Variants in FAM234A observed in about 807,000 individuals in gnomAD.
The protein encoded by FAM234A is protein FAM234A.
Under a neutral mutation model 49.1 loss-of-function variants are expected in FAM234A, and 42 were observed. The ratio of observed to expected loss-of-function variants is 0.86; its 90% CI spans 0.67 to 1.11. The LOEUF is 1.11. FAM234A is among the 50% of genes least tolerant of loss of function. The probability of loss-of-function intolerance (pLI) is 0.00; values close to 1 mark genes in which losing one functional copy is unlikely to be tolerated. For synonymous variants in FAM234A, 369 were observed against 316.2 expected (o/e 1.17, Z -1.77); for missense variants, 815 against 745.2 (o/e 1.09, Z -1.09).
chr16:245,402 T>C (rs2050769915), intron 1 of FAM234A, among the ~76,000 whole-genome samples: 1 of 152,154 alleles, frequency 6.6e-6, no homozygotes, highest in Non-Finnish European at 1.5e-5. Flanking sequence ...CTGCTGTGTC[T>C]ATGAGTGAGA....
rs184187806 is a variant in FAM234A at position 265,594 on chromosome 16, C to T, written c.*572C>T. The T allele has an allele frequency of 2.0e-6, 2 of 985,788 alleles. No individual in the cohort carries two copies. Among genetic ancestry groups the T allele is most frequent in the East Asian group, 2.3e-4 (2 of 8,812 alleles). The allele number at this position is 985,788 out of a possible 1,614,324, so 61.1% of individuals were successfully genotyped here. A position where few individuals can be genotyped will look rare whatever the true frequency, so the allele number is the denominator to read the frequency against. ...GCCCTTCCCGGAGCTACAGGGGGATCCTCTAGCATGGGGGGTGTGACTTGG... is the reference window on the plus strand; with the variant it reads ...GCCCTTCCCGGAGCTACAGGGGGATTCTCTAGCATGGGGGGTGTGACTTGG... On this transcript the variant is annotated 3_prime_UTR_variant, in exon 13 of 13. Coordinates refer to ENST00000399932, the MANE Select transcript of FAM234A (RefSeq NM_032039.4).
At chr16:239,938 G>A (rs563754150) in intron 1 of FAM234A, among the ~76,000 whole-genome samples, 1 of 152,136 alleles carries the variant, frequency 6.6e-6, no homozygotes, top group African/African-American at 2.4e-5. Flanking sequence ...AAATGGTTAT[G>A]GGCCTGTTCT....
chr16:247,346 G>C (rs1596774627), intron 1 of FAM234A, among the ~76,000 whole-genome samples: 1 of 151,602 alleles, frequency 6.6e-6, no homozygotes, highest in East Asian at 1.9e-4. Flanking sequence ...TGCCCAGGCT[G>C]GTCTTGAACT....
Position 262,753 on chromosome 16 carries a change from G to T in FAM234A, c.971+200G>T, listed in dbSNP as rs916139601. ...TTGAGTAAAGAGAAGAAAGGTTCCC[G>T]ACGCTGTGCCTGTCTGTCTCCACGG... On this transcript the variant is annotated intron_variant, in intron 8 of 12. Transcript: ENST00000399932. 6.6e-5 allele frequency among the ~76,000 whole-genome samples: 10 copies of T among 151,912 alleles called. No individual in the cohort carries two copies. In the East Asian group the frequency reaches 1.7e-3, roughly 26 times the overall value.
At chr16:240,284 A>G (rs2050564412) in intron 1 of FAM234A, 1 of 152,202 alleles carries the variant, frequency 6.6e-6, no homozygotes, top group African/African-American at 2.4e-5. Flanking sequence ...ATTGTGAGTT[A>G]TCTTACTTGT....
At position 264,122 on chromosome 16, in the gene FAM234A, C is replaced by T; in HGVS notation, c.1295C>T (p.Ser432Leu). 6.2e-7 allele frequency: 1 copy of T among 1,610,496 alleles called. No homozygotes were observed. Among genetic ancestry groups the T allele is most frequent in the South Asian group, 1.1e-5 (1 of 90,950 alleles). ...AGCCTGCCGACCGCAGACCACCGCTCAGCCTTCTTCTTCTGGGGCCTCCAC... is the reference window on the plus strand; with the variant it reads ...AGCCTGCCGACCGCAGACCACCGCTTAGCCTTCTTCTTCTGGGGCCTCCAC... ...SASLPTADHR[S>L]AFFFWGLHEL... The change falls in exon 11 of 13, where the codon TCA (serine) becomes TTA (leucine). Residue 432 changes from serine (S) to leucine (L), a missense_variant. Coordinates refer to ENST00000399932, the MANE Select transcript of FAM234A (RefSeq NM_032039.4).
chr16:254,784 A>C, intron 3 of FAM234A, 103 bp downstream of exon 3: 1 of 1,220,114 alleles, frequency 8.2e-7, no homozygotes, highest in South Asian at 1.4e-5. Context: ...GTGGCCTTTA[A>C]ACAGTGAATC....
At chr16:264,485 G>A in intron 11 of FAM234A, 129 bp from the exon 12 acceptor site, 1 of 754,890 alleles carries the variant, frequency 1.3e-6, no homozygotes, top group Non-Finnish European at 2.2e-6. Flanking sequence ...AGAACTGGGG[G>A]CTGGCATTTG....
rs570333155 is a variant in FAM234A, at chr16:244,257, C to T, written c.-139-5292C>T. ...TGCTGGGATTACAGGCGTGAGCCAC[C>T]GCGCCCGGTCGGAAAATGATTTTAA... On this transcript the variant is annotated intron_variant, in intron 1 of 12. Coordinates refer to ENST00000399932, the MANE Select transcript of FAM234A (RefSeq NM_032039.4). Among the ~76,000 whole-genome samples the T allele has an allele frequency of 2.3e-4, 35 of 152,338 alleles. No individual in the cohort carries two copies. In the South Asian group the frequency reaches 3.9e-3, roughly 17 times the overall value.
Position 266,009 on chromosome 16 carries a change from CAG to C in FAM234A, c.*990_*991del. Reference sequence around the variant, plus strand: ...TGTACTGCTCGGGCCGCCCAGGTCACAGAGCCTGAGCTTCGTAGCCAAAGCAG... The same window carrying C: ...TGTACTGCTCGGGCCGCCCAGGTCACAGCCTGAGCTTCGTAGCCAAAGCAG... On this transcript the variant is annotated 3_prime_UTR_variant, in exon 13 of 13. Transcript: ENST00000399932. The C allele has an allele frequency of 3.0e-6, 3 of 985,964 alleles. No individual in the cohort carries two copies. Among genetic ancestry groups the C allele is most frequent in the Non-Finnish European group, 3.6e-6 (3 of 830,016 alleles). The allele number at this position is 985,964 out of a possible 1,614,324, so 61.1% of individuals were successfully genotyped here.
At chr16:257,497 C>T (rs1411142466) in intron 3 of FAM234A, among the ~76,000 whole-genome samples, 3 of 152,078 alleles carry the variant, frequency 2.0e-5, no homozygotes, top group Admixed American at 6.5e-5. Flanking sequence ...CCACCCGCCT[C>T]GGCCTCCCAT....
At chr16:267,745 ACACATGCCTCAT>A (rs2051735104), downstream of FAM234A, among the ~76,000 whole-genome samples, 1 of 147,300 alleles carries the variant, frequency 6.8e-6, no homozygotes, top group Admixed American at 6.8e-5. Context: ...CCTCAGTGCT[ACACATGCCTCAT>A]ACACACAACA....
intron 1 of FAM234A, among the ~76,000 whole-genome samples, chr16:245,434 A>G (rs1178667594): frequency 6.6e-6 from 1 of 152,110 alleles, no homozygotes. Context: ...TCCCCTGGGC[A>G]CCGGCCACTG....
chr16:265,998 C>T lies in FAM234A; in HGVS notation c.*976C>T, dbSNP rs1039773040. 7.1e-6 allele frequency: 7 copies of T among 985,786 alleles called. No individual in the cohort carries two copies. Among genetic ancestry groups the T allele is most frequent in the African/African-American group, 3.5e-5 (2 of 57,230 alleles). The allele number at this position is 985,786 out of a possible 1,614,324, so 61.1% of individuals were successfully genotyped here. A position where few individuals can be genotyped will look rare whatever the true frequency, so the allele number is the denominator to read the frequency against. The stretch of plus-strand genomic sequence containing the variant: ...CCATGGTGCTCTGTACTGCTCGGGC[C>T]GCCCAGGTCACAGAGCCTGAGCTTC... On this transcript the variant is annotated 3_prime_UTR_variant, in exon 13 of 13. Transcript: ENST00000399932.
rs2051385305 is a variant in FAM234A, at chr16:259,831, C to G, written c.386-138C>G. The G allele has an allele frequency of 1.3e-5, 11 of 818,644 alleles. No homozygotes were observed. The East Asian group carries it at 2.7e-4, about 20-fold the overall frequency. 50.7% of individuals were successfully genotyped at this position (818,644 alleles called of 1,614,324 possible). On this transcript the variant is annotated intron_variant, in intron 4 of 12. Coordinates refer to ENST00000399932, the MANE Select transcript of FAM234A (RefSeq NM_032039.4). ...TAGAGCCCCGGGAGCCTGCAAGATA[C>G]AGGAGATCCACCTGGCGGGAGGGGC...
At chr16:238,783 A>G (rs1010863802) in intron 1 of FAM234A, among the ~76,000 whole-genome samples, 14 of 141,436 alleles carry the variant, frequency 9.9e-5, no homozygotes, top group Admixed American at 5.0e-4. Context: ...AAAAAAAAAA[A>G]AAAGAAAAAA....
chr16:263,274 G>A lies in FAM234A; in HGVS notation c.984G>A (p.Val328=). ...RRMLSHSSGA[V]RYLMHVPGNA... ...CTCTCCTGTCTAGCTCTGGAGCAGT[G>A]CGCTACCTGATGCATGTCCCAGGGA... The change falls in exon 9 of 13, where the codon GTG becomes GTA. Residue 328 remains valine (V), a synonymous_variant. Coordinates refer to ENST00000399932, the MANE Select transcript of FAM234A (RefSeq NM_032039.4). 1 of 1,612,794 alleles carries A rather than the reference G, an allele frequency of 6.2e-7. No individual in the cohort carries two copies. The highest frequency in any genetic ancestry group is 8.5e-7 in the Non-Finnish European group (1 of 1,179,998).
chr16:238,877 G>A (rs911480568), intron 1 of FAM234A, among the ~76,000 whole-genome samples: 1 of 147,348 alleles, frequency 6.8e-6, no homozygotes, highest in African/African-American at 2.5e-5. Flanking sequence ...GAGGTCAGGA[G>A]ATCGAGACTA....
At position 263,245 on chromosome 16, in the gene FAM234A, C is replaced by T. The variant is rs552838736; in HGVS notation, c.972-17C>T. 6 of 1,609,006 alleles carry T rather than the reference C, an allele frequency of 3.7e-6. No homozygotes were observed. The highest frequency in any genetic ancestry group is 1.6e-4 in the Middle Eastern group (1 of 6,066). On this transcript the variant is annotated splice_polypyrimidine_tract_variant and intron_variant, in intron 8 of 12. Coordinates refer to ENST00000399932, the MANE Select transcript of FAM234A (RefSeq NM_032039.4). ...CCCCGGGGACCCGGCGCCCCTTTCTCCCACTCTCCTGTCTAGCTCTGGAGC... is the reference window on the plus strand; with the variant it reads ...CCCCGGGGACCCGGCGCCCCTTTCTTCCACTCTCCTGTCTAGCTCTGGAGC...
Sources: allele counts gnomAD v4.1 joint callset (sites outside exome capture counted in the v4.1 genomes callset), GRCh38; gene constraint gnomAD v4.1.1; transcripts MANE v1.5; gene names NCBI Gene and HGNC (gene_info 2026-07-23, HGNC 2026-07-21).